The following PKIA variants were observed in gnomAD, a reference collection of about 807,000 sequenced individuals.
The protein encoded by PKIA is PKI-alpha.
A neutral mutation model predicts 7.6 loss-of-function variants in PKIA; 4 were observed. The ratio of observed to expected loss-of-function variants is 0.52; its 90% CI spans 0.26 to 1.20. The LOEUF is 1.20. PKIA is among the 50% of genes most tolerant of loss of function. The probability of loss-of-function intolerance (pLI) is 0.13; values close to 1 mark genes in which losing one functional copy is unlikely to be tolerated. For missense variants in PKIA, 73 were observed against 86.2 expected, an observed-to-expected ratio of 0.85 and a Z score of 0.61; for synonymous variants, 21 against 30.7, an observed-to-expected ratio of 0.68 and a Z score of 1.04.
At chr8:78,559,078 C>T (rs1281618880) in intron 1 of PKIA, among the ~76,000 whole-genome samples, 1 of 152,102 alleles carries the variant, frequency 6.6e-6, no homozygotes, top group Non-Finnish European at 1.5e-5. Context: ...TGCGCCACAA[C>T]GCCTGGCTAA....
chr8:78,586,007 C>A (rs1219525061), intron 2 of PKIA, among the ~76,000 whole-genome samples: 1 of 152,132 alleles, frequency 6.6e-6, no homozygotes, highest in Non-Finnish European at 1.5e-5. Flanking sequence ...AACCTAGAAT[C>A]CTCTACCTTC....
chr8:78,549,444 T>C (rs1806924125), intron 1 of PKIA, among the ~76,000 whole-genome samples: 1 of 152,098 alleles, frequency 6.6e-6, no homozygotes, highest in Non-Finnish European at 1.5e-5. Flanking sequence ...TACAGCAATC[T>C]TTAGAAAATT....
In PKIA at chr8:78,598,453, A is replaced by G. The variant is rs1808279076; in HGVS notation, c.69A>G (p.Ile23Met). ...ASGRTGRRNAIHDILVSSASG... is the reference protein window; with the variant it reads ...ASGRTGRRNAMHDILVSSASG... Reference sequence around the variant, plus strand: ...GAAGAACAGGTAGAAGAAATGCAATACATGATATCCTGGTTTCCTCTGCAA... The same window carrying G: ...GAAGAACAGGTAGAAGAAATGCAATGCATGATATCCTGGTTTCCTCTGCAA... The change falls in exon 3 of 4, where the codon ATA becomes ATG. Residue 23 changes from isoleucine (I) to methionine (M), a missense_variant. Ile to Met is a conservative substitution (Grantham distance 10). Transcript: ENST00000396418. 6.2e-7 allele frequency: 1 copy of G among 1,611,630 alleles called. No homozygotes were observed. Among genetic ancestry groups the G allele is most frequent in the African/African-American group, 1.3e-5 (1 of 74,958 alleles).
At position 78,601,665 on chromosome 8, in the gene PKIA, A is replaced by G. The variant is rs1364958761; in HGVS notation, c.152-77A>G. 3 of 1,059,012 alleles carry G rather than the reference A, an allele frequency of 2.8e-6. No homozygotes were observed. The African/African-American group carries it at 4.7e-5, about 17-fold the overall frequency. 65.6% of individuals were successfully genotyped at this position (1,059,012 alleles called of 1,614,324 possible). A position where few individuals can be genotyped will look rare whatever the true frequency, so the allele number is the denominator to read the frequency against. On this transcript the variant is annotated intron_variant, in intron 3 of 3. Coordinates refer to ENST00000396418, the MANE Select transcript of PKIA (RefSeq NM_006823.4). ...ATTTAGTATTTCTGAAGTTACCAAT[A>G]TGACATATTGACAGTTGGTAAATAA...
chr8:78,556,036 GCA>G (rs1395681486), intron 1 of PKIA, among the ~76,000 whole-genome samples: 3 of 151,950 alleles, frequency 2.0e-5, no homozygotes, highest in Admixed American at 6.6e-5. Flanking sequence ...ATGATAGAAA[GCA>G]CAGTTTGTTT....
At chr8:78,533,184 C>A (rs1302934056) in intron 1 of PKIA, among the ~76,000 whole-genome samples, 2 of 152,106 alleles carry the variant, frequency 1.3e-5, no homozygotes, top group Non-Finnish European at 2.9e-5. Flanking sequence ...CAACATCTTC[C>A]TTTACACATG....
intron 2 of PKIA, among the ~76,000 whole-genome samples, chr8:78,579,770 T>C (rs1807763381): frequency 6.6e-6 from 1 of 152,078 alleles, no homozygotes; most frequent in African/African-American, 2.4e-5. Context: ...ATTTAATGCA[T>C]AAGAATCACC....
intron 1 of PKIA, among the ~76,000 whole-genome samples, chr8:78,558,022 A>G (rs957742370): frequency 1.3e-5 from 2 of 152,248 alleles, no homozygotes; most frequent in African/African-American, 4.8e-5. Flanking sequence ...ATCTGAAATT[A>G]CATGCAAAAT....
In PKIA at chr8:78,580,528, A is replaced by G. The variant is rs139865439; in HGVS notation, c.-28+7589A>G. Among the ~76,000 whole-genome samples the G allele has an allele frequency of 1.0e-2, 1,516 of 152,188 alleles. 12 individuals are homozygous for G. Among genetic ancestry groups the G allele is most frequent in the Non-Finnish European group, 0.016 (1,077 of 67,992 alleles). On this transcript the variant is annotated intron_variant, in intron 2 of 3. Transcript: ENST00000396418. ...GTTGGGCATTTGCTATTAAAGCCCAAGAAGTAGAAGGAGGGTGTCTGCACC... is the reference window on the plus strand; with the variant it reads ...GTTGGGCATTTGCTATTAAAGCCCAGGAAGTAGAAGGAGGGTGTCTGCACC...
At chr8:78,559,155 C>T (rs1275066365) in intron 1 of PKIA, among the ~76,000 whole-genome samples, 1 of 152,182 alleles carries the variant, frequency 6.6e-6, no homozygotes, top group Non-Finnish European at 1.5e-5. Flanking sequence ...CTCCTGACCT[C>T]AGGTGATCCA....
chr8:78,566,379 A>C (rs763476620), intron 1 of PKIA, among the ~76,000 whole-genome samples: 1 of 152,100 alleles, frequency 6.6e-6, no homozygotes, highest in Non-Finnish European at 1.5e-5. Flanking sequence ...CCTTTTTTAC[A>C]TTATATTATA....
intron 1 of PKIA, among the ~76,000 whole-genome samples, chr8:78,570,356 A>C (rs1398801845): frequency 6.6e-6 from 1 of 152,208 alleles, no homozygotes; most frequent in African/African-American, 2.4e-5. Context: ...CGGATCTGAA[A>C]CTATGGATGT....
chr8:78,556,974 C>T (rs942584584), intron 1 of PKIA, among the ~76,000 whole-genome samples: 7 of 152,114 alleles, frequency 4.6e-5, no homozygotes, highest in African/African-American at 1.4e-4. Context: ...ATGACAAAAT[C>T]TTCCTACTAA....
intron 1 of PKIA, among the ~76,000 whole-genome samples, chr8:78,564,763 T>G (rs182009642): frequency 6.6e-6 from 1 of 151,968 alleles, no homozygotes; most frequent in East Asian, 1.9e-4. Flanking sequence ...GTAAAGCAAA[T>G]TATATCCAAT....
At chr8:78,518,397 C>T (rs1430696798) in intron 1 of PKIA, among the ~76,000 whole-genome samples, 1 of 152,184 alleles carries the variant, frequency 6.6e-6, no homozygotes, top group Non-Finnish European at 1.5e-5. Flanking sequence ...CAACAACAAA[C>T]CCTGTATTCT....
intron 1 of PKIA, among the ~76,000 whole-genome samples, chr8:78,567,363 G>T (rs1807439353): frequency 6.6e-6 from 1 of 151,992 alleles, no homozygotes; most frequent in Non-Finnish European, 1.5e-5. Context: ...GATCCCCTTA[G>T]TTGTGACAAT....
chr8:78,570,675 T>C (rs2118552860), intron 1 of PKIA, among the ~76,000 whole-genome samples: 1 of 152,284 alleles, frequency 6.6e-6, no homozygotes, highest in South Asian at 2.1e-4. Flanking sequence ...CCACACTCTT[T>C]CATACATACA....
intron 1 of PKIA, among the ~76,000 whole-genome samples, chr8:78,519,424 T>TGAAA (rs1809375028): frequency 6.6e-6 from 1 of 152,132 alleles, no homozygotes; most frequent in South Asian, 2.1e-4. Context: ...GGCAACAGAA[T>TGAAA]GAAACCCTGT....
chr8:78,568,175 T>G (rs1020975201), intron 1 of PKIA, among the ~76,000 whole-genome samples: 1 of 152,182 alleles, frequency 6.6e-6, no homozygotes, highest in African/African-American at 2.4e-5. Context: ...CTATAATTTT[T>G]TATGTATGTT....
Sources: gnomAD v4.1 joint callset for allele counts (sites outside exome capture counted in the v4.1 genomes callset) on GRCh38, gnomAD v4.1.1 for gene constraint, MANE v1.5 for transcripts, NCBI Gene and HGNC (gene_info 2026-07-23, HGNC 2026-07-21) for gene names.